SLIT3: variants seen among roughly 807,000 people sequenced by gnomAD.
SLIT3 encodes slit guidance ligand 3.
SLIT3 carries 68 observed loss-of-function variants against 184.0 expected under a neutral mutation model. The observed-to-expected ratio is 0.37, with a 90% CI of 0.30 to 0.45. SLIT3 has a LOEUF of 0.45. SLIT3 is among the 20% of genes least tolerant of loss of function. The pLI is 1.00. For missense variants in SLIT3, 1,707 were observed against 2,026.0 expected (o/e 0.84, Z 3.02); for synonymous variants, 831 against 828.6 (o/e 1.00, Z -0.05).
At chr5:168,843,968 C>T (rs955679111) in intron 6 of SLIT3, among the ~76,000 whole-genome samples, 10 of 152,022 alleles carry the variant, frequency 6.6e-5, no homozygotes, top group Non-Finnish European at 1.0e-4. Context: ...TCATCTCCCC[C>T]TATTTCCTGC....
chr5:168,821,561 C>G (rs1326284084), intron 7 of SLIT3, among the ~76,000 whole-genome samples: 1 of 152,178 alleles, frequency 6.6e-6, no homozygotes, highest in Non-Finnish European at 1.5e-5. Context: ...CTGCACTACC[C>G]TATTTTAAGA....
intron 4 of SLIT3, chr5:168,993,948 T>C (rs62378623): frequency 0.096 from 14,618 of 152,358 alleles, 824 homozygotes; most frequent in African/African-American, 0.16. Flanking sequence ...AGCAGCTGAC[T>C]GAGGGCTTCT....
At chr5:169,200,289 T>G (rs966692612) in intron 3 of SLIT3, among the ~76,000 whole-genome samples, 1 of 152,324 alleles carries the variant, frequency 6.6e-6, no homozygotes, top group East Asian at 1.9e-4. Context: ...AAAGTCAAAG[T>G]GTGCTAACCC....
chr5:169,064,605 T>C (rs1052969807), intron 4 of SLIT3, among the ~76,000 whole-genome samples: 10 of 152,320 alleles, frequency 6.6e-5, no homozygotes, highest in Admixed American at 1.3e-4. Flanking sequence ...TTTCACACAC[T>C]TCACATGCAA....
At chr5:168,957,090 G>C (rs576526068) in intron 4 of SLIT3, among the ~76,000 whole-genome samples, 1 of 152,028 alleles carries the variant, frequency 6.6e-6, no homozygotes, top group Non-Finnish European at 1.5e-5. Flanking sequence ...TTAGCTGGGC[G>C]TGGTGGCGGG....
At chr5:168,967,772 T>G (rs1763263713) in intron 4 of SLIT3, among the ~76,000 whole-genome samples, 1 of 152,138 alleles carries the variant, frequency 6.6e-6, no homozygotes, top group South Asian at 2.1e-4. Flanking sequence ...TTTCATTCCT[T>G]TCATTGCACC....
chr5:169,080,971 C>A (rs1759014848), intron 4 of SLIT3, among the ~76,000 whole-genome samples: 1 of 152,082 alleles, frequency 6.6e-6, no homozygotes, highest in Admixed American at 6.6e-5. Context: ...ACAGGATAAC[C>A]CCTGAGCTGT....
At chr5:169,127,377 C>T (rs1035347238) in intron 4 of SLIT3, among the ~76,000 whole-genome samples, 2 of 152,170 alleles carry the variant, frequency 1.3e-5, no homozygotes, top group Non-Finnish European at 2.9e-5. Context: ...GCCCATGAGG[C>T]TCCACACAAA....
chr5:168,766,376 G>A (rs940118979), intron 14 of SLIT3, among the ~76,000 whole-genome samples: 1 of 152,208 alleles, frequency 6.6e-6, no homozygotes, highest in Non-Finnish European at 1.5e-5. Flanking sequence ...AATAAGCAAA[G>A]GGTCATAAGT....
rs776756706 is a variant in SLIT3, at chr5:168,806,544, G to A, written c.837C>T (p.Ser279=). The change falls in exon 9 of 36, where the codon TCC becomes TCT. Residue 279 remains serine (S), a synonymous_variant. Transcript: ENST00000519560. ...EPPSCNANSI[S]CPSPCTCSNN... Reference sequence around the variant, plus strand: ...TGCTGCACGTGCAGGGCGAAGGGCAGGAGATGGAGTTGGCATTGCAGGATG... The same window carrying A: ...TGCTGCACGTGCAGGGCGAAGGGCAAGAGATGGAGTTGGCATTGCAGGATG... 1.2e-6 allele frequency: 2 copies of A among 1,614,124 alleles called. No homozygotes were observed. Among genetic ancestry groups the A allele is most frequent in the African/African-American group, 2.7e-5 (2 of 74,952 alleles).
At chr5:168,774,425 C>T (rs776912250) in intron 12 of SLIT3, 47 bp from the exon 13 acceptor site, 247 of 1,566,464 alleles carry the variant, frequency 1.6e-4, no homozygotes, top group Middle Eastern at 1.6e-3. Context: ...CTGGTAATTA[C>T]CTGCGGGGCA....
intron 6 of SLIT3, among the ~76,000 whole-genome samples, chr5:168,841,755 T>C (rs1758261726): frequency 6.6e-6 from 1 of 152,226 alleles, no homozygotes; most frequent in South Asian, 2.1e-4. Context: ...GAAATACTTC[T>C]ACTTGCAGTT....
Position 168,907,861 on chromosome 5 carries a change from T to C in SLIT3, c.414-24525A>G, listed in dbSNP as rs60045945. 1.6e-3 allele frequency among the ~76,000 whole-genome samples: 242 copies of C among 148,364 alleles called. 1 individual carries two copies. The highest frequency in any genetic ancestry group is 0.011 in the East Asian group (58 of 5,100). ...ACACATATAAGTATACATATATCTATATCTATAGATACATATAGATATATG... is the reference window on the plus strand; with the variant it reads ...ACACATATAAGTATACATATATCTACATCTATAGATACATATAGATATATG... On this transcript the variant is annotated intron_variant, in intron 4 of 35. Transcript: ENST00000519560.
intron 3 of SLIT3, among the ~76,000 whole-genome samples, chr5:169,242,656 C>T (rs1050186001): frequency 6.6e-6 from 1 of 152,156 alleles, no homozygotes; most frequent in Non-Finnish European, 1.5e-5. Context: ...ATCAGGAATG[C>T]CCATATTGGG....
intron 12 of SLIT3, among the ~76,000 whole-genome samples, chr5:168,784,217 A>G (rs1011666512): frequency 2.3e-4 from 35 of 152,230 alleles, no homozygotes; most frequent in African/African-American, 8.4e-4. Flanking sequence ...TAATAGCTAC[A>G]GTTAACTAGC....
chr5:168,921,715 C>T lies in SLIT3; in HGVS notation c.414-38379G>A, dbSNP rs181232010. Among the ~76,000 whole-genome samples, 554 of 152,304 alleles carry T rather than the reference C, an allele frequency of 3.6e-3. 1 individual carries two copies. The highest frequency in any genetic ancestry group is 5.9e-3 in the Admixed American group (91 of 15,304). The stretch of plus-strand genomic sequence containing the variant: ...CCAAGCTGCTTACTTTCCTCCCACC[C>T]GCTCAGGGAGCATCCTTGATCTTTG... On this transcript the variant is annotated intron_variant, in intron 4 of 35. Transcript: ENST00000519560.
At chr5:168,704,648 GT>G (rs1762324906) in intron 26 of SLIT3, among the ~76,000 whole-genome samples, 1 of 152,190 alleles carries the variant, frequency 6.6e-6, no homozygotes, top group Admixed American at 6.5e-5. Flanking sequence ...GAGATAATGT[GT>G]TTAAACTGCT....
At chr5:169,019,524 C>T (rs1369050059) in intron 4 of SLIT3, among the ~76,000 whole-genome samples, 4 of 152,206 alleles carry the variant, frequency 2.6e-5, no homozygotes, top group African/African-American at 4.8e-5. Context: ...TTTGCATATG[C>T]ACGGTATCTT....
Position 169,300,095 on chromosome 5 carries a change from T to A in SLIT3, c.197+418A>T, listed in dbSNP as rs1581153756. ...CAGGTCAACAGTCTCGGGCCCTCTC[T>A]CCCGCCTCCGCGCCTTGACGGCCCA... On this transcript the variant is annotated intron_variant, in intron 1 of 35. Transcript: ENST00000519560. This position sits in a 1 kb window ranked among gnomAD's most constrained non-coding sequence, Gnocchi z 4.1. Among the ~76,000 whole-genome samples the A allele has an allele frequency of 6.6e-6, 1 of 152,198 alleles. No individual in the cohort carries two copies. The highest frequency in any genetic ancestry group is 1.5e-5 in the Non-Finnish European group (1 of 68,040).
Sources: allele counts gnomAD v4.1 joint callset (sites outside exome capture counted in the v4.1 genomes callset), GRCh38; gene constraint gnomAD v4.1.1; non-coding constraint Gnocchi (gnomAD v3.1); transcripts MANE v1.5; gene names NCBI Gene and HGNC (gene_info 2026-07-23, HGNC 2026-07-21).